UIMC1: variants seen among roughly 807,000 people sequenced by gnomAD.
UIMC1 encodes ubiquitin interaction motif containing 1.
In UIMC1, 42 loss-of-function variants were observed where a neutral mutation model predicts 84.9. The ratio of observed to expected loss-of-function variants is 0.49; its 90% confidence interval spans 0.39 to 0.64. The LOEUF is 0.64. Among genes scored for constraint, UIMC1 ranks in the 30% least tolerant of loss-of-function variants. The probability of loss-of-function intolerance (pLI) is 0.00; values close to 1 mark genes in which losing one functional copy is unlikely to be tolerated. For synonymous variants in UIMC1, 281 were observed against 293.0 expected (o/e 0.96, Z 0.42); for missense variants, 825 against 847.6 (o/e 0.97, Z 0.33).
intron 1 of UIMC1, among the ~76,000 whole-genome samples, chr5:176,995,939 T>C (rs1003600948): frequency 2.0e-5 from 3 of 151,956 alleles, no homozygotes; most frequent in Admixed American, 1.3e-4. Context: ...ATCTACTACA[T>C]TACCCAGCCA....
chr5:176,925,265 C>G (rs1178362077), intron 10 of UIMC1, among the ~76,000 whole-genome samples: 1 of 151,990 alleles, frequency 6.6e-6, no homozygotes, highest in African/African-American at 2.4e-5. Context: ...ACATCATTAG[C>G]CATCAGGGAA....
intron 1 of UIMC1, among the ~76,000 whole-genome samples, chr5:177,000,498 CTTTTT>C (rs966855813): frequency 8.8e-6 from 1 of 113,338 alleles, no homozygotes; most frequent in African/African-American, 4.0e-5. Flanking sequence ...ACTTGCATGT[CTTTTT>C]TTTTTTTTTT....
chr5:177,013,432 CTTAT>C (rs767398765), intron 1 of UIMC1, among the ~76,000 whole-genome samples: 2 of 151,026 alleles, frequency 1.3e-5, no homozygotes, highest in Non-Finnish European at 2.9e-5. Context: ...AGAGAGGAAA[CTTAT>C]TTACATAATG....
Position 176,969,044 on chromosome 5 carries a change from A to G in UIMC1, c.711T>C (p.Thr237=), listed in dbSNP as rs777075923. Residue 237 remains threonine (T), a synonymous_variant, in exon 6 of 15, where the codon ACT becomes ACC. Transcript: ENST00000511320. ...CTTTGAGAAAAGCAGAACCCCTCCC[A>G]GTACTTTCCTGTGGCTTCCCACACT... is the stretch of plus-strand genomic sequence containing the variant. ...HTQCGKPQES[T]GRGSAFLKAV... The G allele has an allele frequency of 2.5e-6, 4 of 1,614,178 alleles. No homozygotes were observed. The highest frequency in any genetic ancestry group is 3.4e-6 in the Non-Finnish European group (4 of 1,180,010).
chr5:176,958,935 G>A (rs771861841), intron 6 of UIMC1, among the ~76,000 whole-genome samples: 30 of 152,250 alleles, frequency 2.0e-4, no homozygotes, highest in Non-Finnish European at 4.0e-4. Context: ...CCTGGGCTGT[G>A]AGGCTTCTTC....
chr5:176,950,100 CTTT>C (rs779279628), intron 9 of UIMC1, among the ~76,000 whole-genome samples: 2 of 108,654 alleles, frequency 1.8e-5, no homozygotes, highest in Admixed American at 9.9e-5. Context: ...AGGAACCTTT[CTTT>C]TTTTTTTTTT....
intron 10 of UIMC1, among the ~76,000 whole-genome samples, chr5:176,924,853 A>G (rs1268304694): frequency 6.6e-6 from 1 of 152,052 alleles, no homozygotes; most frequent in Non-Finnish European, 1.5e-5. Flanking sequence ...ATCCTGGCCA[A>G]CATGGTGAAA....
chr5:176,930,691 G>A (rs1212611862), intron 10 of UIMC1, among the ~76,000 whole-genome samples: 2 of 152,124 alleles, frequency 1.3e-5, no homozygotes, highest in African/African-American at 2.4e-5. Flanking sequence ...TTTATATACG[G>A]CCGTTAGAAA....
At chr5:176,951,401 T>C in intron 9 of UIMC1, 73 bp downstream of exon 9, 3 of 1,181,032 alleles carry the variant, frequency 2.5e-6, no homozygotes, top group Non-Finnish European at 3.4e-6. Context: ...TCAGCCAATG[T>C]CAACGTTGCA....
chr5:176,922,237 C>A (rs547697044), intron 10 of UIMC1, among the ~76,000 whole-genome samples: 4 of 152,290 alleles, frequency 2.6e-5, no homozygotes, highest in East Asian at 1.9e-4. Context: ...TAGTACTGTA[C>A]CCTCAGCTTG....
At chr5:176,983,498 G>A (rs547789805) in intron 1 of UIMC1, among the ~76,000 whole-genome samples, 1 of 152,300 alleles carries the variant, frequency 6.6e-6, no homozygotes, top group South Asian at 2.1e-4. Context: ...GCCTCCCGAG[G>A]TGCTGGGATT....
At chr5:176,965,678 C>T (rs1417539832) in intron 6 of UIMC1, among the ~76,000 whole-genome samples, 2 of 152,230 alleles carry the variant, frequency 1.3e-5, no homozygotes, top group South Asian at 4.1e-4. Flanking sequence ...ATAGTATTAA[C>T]TGATAATACT....
At chr5:177,020,421 CTTA>C (rs1485086603) in intron 1 of UIMC1, among the ~76,000 whole-genome samples, 1 of 152,172 alleles carries the variant, frequency 6.6e-6, no homozygotes, top group Non-Finnish European at 1.5e-5. Context: ...CTCCTTAGCA[CTTA>C]TTATTGTTAA....
chr5:176,987,085 T>G (rs2149515251), intron 1 of UIMC1, among the ~76,000 whole-genome samples: 1 of 151,904 alleles, frequency 6.6e-6, no homozygotes, highest in Admixed American at 6.6e-5. Flanking sequence ...CCAGGCGTGG[T>G]GGCGGGCGCC....
chr5:176,954,718 T>G (rs1226952512), intron 8 of UIMC1, among the ~76,000 whole-genome samples: 3 of 146,538 alleles, frequency 2.0e-5, no homozygotes, highest in Non-Finnish European at 4.5e-5. Flanking sequence ...ACTGCGCCAC[T>G]GCACTCCAGC....
intron 2 of UIMC1, 62 bp downstream of exon 2, chr5:176,982,407 C>T: frequency 6.4e-7 from 1 of 1,555,164 alleles, no homozygotes; most frequent in Non-Finnish European, 8.7e-7. Context: ...AACAAACTCC[C>T]CATGGGTAAA....
At chr5:176,924,672 A>T (rs1360233747) in intron 10 of UIMC1, among the ~76,000 whole-genome samples, 1 of 152,222 alleles carries the variant, frequency 6.6e-6, no homozygotes, top group African/African-American at 2.4e-5. Context: ...ACCTAAATAG[A>T]AAATAATAAC....
intron 10 of UIMC1, among the ~76,000 whole-genome samples, chr5:176,930,059 C>A (rs1457832892): frequency 6.6e-6 from 1 of 152,156 alleles, no homozygotes; most frequent in Non-Finnish European, 1.5e-5. Flanking sequence ...ACATACAATT[C>A]TTTAAAAGGT....
intron 10 of UIMC1, among the ~76,000 whole-genome samples, chr5:176,932,580 G>A (rs953397331): frequency 1.3e-5 from 2 of 152,134 alleles, no homozygotes; most frequent in African/African-American, 2.4e-5. Context: ...TGTATCAGCC[G>A]AATCCTAATA....
Sources: gnomAD v4.1 joint callset for allele counts (sites outside exome capture counted in the v4.1 genomes callset) on GRCh38, gnomAD v4.1.1 for gene constraint, MANE v1.5 for transcripts, NCBI Gene and HGNC (gene_info 2026-07-23, HGNC 2026-07-21) for gene names.